Variants in HSF4 observed in about 807,000 individuals in gnomAD.
HSF4 encodes the protein heat shock transcription factor 4.
A neutral mutation model predicts 52.0 loss-of-function variants in HSF4; 41 were observed. The observed-to-expected ratio is 0.79, with a 90% CI of 0.61 to 1.02. HSF4 has a LOEUF of 1.02. Among genes scored for constraint, HSF4 ranks in the 50% least tolerant of loss-of-function variants. The probability of loss-of-function intolerance (pLI) is 0.00; values close to 1 mark genes in which losing one functional copy is unlikely to be tolerated. For missense variants in HSF4, 610 were observed against 651.1 expected, an observed-to-expected ratio of 0.94 and a Z score of 0.69; for synonymous variants, 285 against 273.0, an observed-to-expected ratio of 1.04 and a Z score of -0.43.
rs1279754219 is a variant in HSF4, at chr16:67,167,527, T to A, written c.782T>A (p.Ile261Asn). 2 of 1,613,784 alleles carry A rather than the reference T, an allele frequency of 1.2e-6. No homozygotes were observed. The highest frequency in any genetic ancestry group is 1.7e-6 in the Non-Finnish European group (2 of 1,180,010). ...AGCCCTCACAGGGCCAGGGGCCCCA[T>A]CATCTCTGACATCCCAGAAGACTCT... is the stretch of plus-strand genomic sequence containing the variant. The part of the protein sequence containing the change: ...GLSPHRARGP[I>N]ISDIPEDSPS... The change falls in exon 8 of 13, where the codon ATC becomes AAC. Residue 261 changes from isoleucine (I) to asparagine (N), a missense_variant. By Grantham distance (149) the Ile-to-Asn change is moderately radical. Coordinates refer to ENST00000521374, the MANE Select transcript of HSF4 (RefSeq NM_001374675.1).
intron 9 of HSF4, 90 bp downstream of exon 9, chr16:67,168,037 C>A: frequency 9.4e-7 from 1 of 1,059,798 alleles, no homozygotes; most frequent in Non-Finnish European, 1.4e-6. Flanking sequence ...CTCCATGATA[C>A]TCACCTGATT....
At chr16:67,167,055 G>A in intron 6 of HSF4, 65 bp from the exon 7 acceptor site, 3 of 1,611,128 alleles carry the variant, frequency 1.9e-6, no homozygotes, top group East Asian at 2.2e-5. Context: ...GGAGGGAAGT[G>A]CAGGCCGAGG....
upstream of HSF4, chr16:67,164,598 T>A: frequency 2.2e-5 from 5 of 226,088 alleles, no homozygotes; most frequent in Non-Finnish European, 2.7e-5. Context: ...TCCACTCCAC[T>A]CCACTCCACA....
chr16:67,167,479 TC>T lies in HSF4; in HGVS notation c.737del (p.Pro246GlnfsTer73). The T allele has an allele frequency of 6.2e-7, 1 of 1,613,818 alleles. No individual in the cohort carries two copies. The highest frequency in any genetic ancestry group is 1.1e-5 in the South Asian group (1 of 91,088). ...GGCCTAGCCTTCTACTTACAGCCTCTCCCAGAGACAAATTTGGGCCTTAGCC... is the reference window on the plus strand; with the variant it reads ...GGCCTAGCCTTCTACTTACAGCCTCTCCAGAGACAAATTTGGGCCTTAGCC... Reference protein sequence around the residue: ...LQDPYFIQSPLPETNLGLSPH... With the variant: ...LQDPYFIQSPXPETNLGLSPH... On this transcript the variant is annotated frameshift_variant, in exon 8 of 13. Transcript: ENST00000521374. LOFTEE classifies it high-confidence loss of function.
intron 4 of HSF4, 97 bp from the exon 5 acceptor site, chr16:67,166,223 C>G: frequency 2.2e-6 from 3 of 1,391,864 alleles, no homozygotes; most frequent in Non-Finnish European, 3.0e-6. Flanking sequence ...GGCCAGTCAG[C>G]GGGGTGGTCT....
chr16:67,166,135 C>G, intron 4 of HSF4, 65 bp downstream of exon 4: 2 of 1,485,744 alleles, frequency 1.3e-6, no homozygotes, highest in South Asian at 2.4e-5. Context: ...CATAACTGGC[C>G]GGCCAGCAGT....
Position 67,169,237 on chromosome 16 carries a change from G to A in HSF4, c.1255-42G>A. The A allele has an allele frequency of 1.2e-6, 2 of 1,611,746 alleles. No individual in the cohort carries two copies. Among genetic ancestry groups the A allele is most frequent in the Non-Finnish European group, 8.5e-7 (1 of 1,179,508 alleles). On this transcript the variant is annotated intron_variant, in intron 11 of 12. Coordinates refer to ENST00000521374, the MANE Select transcript of HSF4 (RefSeq NM_001374675.1). The surrounding 1 kb of genome is among the most constrained non-coding windows in gnomAD (Gnocchi z 4.3). ...GATTTCCCAGCTGTCCCCCTCAGCT[G>A]CTAGGTCCCCTCCCCAGCTGCTCCC...
In HSF4 at chr16:67,165,139, C is replaced by G. The variant is rs1019788516; in HGVS notation, c.123+205C>G. 1 of 626,358 alleles carries G rather than the reference C, an allele frequency of 1.6e-6. No individual in the cohort carries two copies. The highest frequency in any genetic ancestry group is 1.8e-5 in the African/African-American group (1 of 54,240). 38.8% of individuals were successfully genotyped at this position (626,358 alleles called of 1,614,324 possible). ...GGTTAGGAGCCTGCCTTCTGAAGAC[C>G]TAGAGTCCGAGGGACCTTCGAGGCC... is the stretch of plus-strand genomic sequence containing the variant. On this transcript the variant is annotated intron_variant, in intron 1 of 12. Coordinates refer to ENST00000521374, the MANE Select transcript of HSF4 (RefSeq NM_001374675.1). This position sits in a 1 kb window ranked among gnomAD's most constrained non-coding sequence, Gnocchi z 6.9.
chr16:67,167,695 T>G, intron 8 of HSF4, 25 bp from the exon 9 acceptor site: 1 of 1,611,968 alleles, frequency 6.2e-7, no homozygotes, highest in Non-Finnish European at 8.5e-7. Flanking sequence ...TGCCAGGGTC[T>G]GGTTGAAGCT....
chr16:67,165,465 G>C lies in HSF4; in HGVS notation c.124-57G>C, dbSNP rs1474367226. 6.8e-7 allele frequency: 1 copy of C among 1,480,630 alleles called. No homozygotes were observed. Among genetic ancestry groups the C allele is most frequent in the Non-Finnish European group, 9.4e-7 (1 of 1,060,784 alleles). 91.7% of individuals were successfully genotyped at this position (1,480,630 alleles called of 1,614,324 possible). A position where few individuals can be genotyped will look rare whatever the true frequency, so the allele number is the denominator to read the frequency against. On this transcript the variant is annotated intron_variant, in intron 1 of 12. Transcript: ENST00000521374. The surrounding 1 kb of genome is among the most constrained non-coding windows in gnomAD (Gnocchi z 6.9). The stretch of plus-strand genomic sequence containing the variant: ...GGAGCGCAGGACTGGCCGTGAGCGG[G>C]CACCGCTCACCCTCCTGGTCTCCGC...
At position 67,165,045 on chromosome 16, in the gene HSF4, T is replaced by C. The variant is rs1266165030; in HGVS notation, c.123+111T>C. The C allele has an allele frequency of 2.4e-6, 3 of 1,253,592 alleles. No homozygotes were observed. The African/African-American group carries it at 4.5e-5, about 19-fold the overall frequency. 77.7% of individuals were successfully genotyped at this position (1,253,592 alleles called of 1,614,324 possible). On this transcript the variant is annotated intron_variant, in intron 1 of 12. Transcript: ENST00000521374. This position sits in a 1 kb window ranked among gnomAD's most constrained non-coding sequence, Gnocchi z 6.9. ...GAGACTGGGCCGTGGATCCCCGGAT[T>C]TGGCCATTCAGAGAAGTTCACCTTG...
chr16:67,165,107 G>A lies in HSF4; in HGVS notation c.123+173G>A. The A allele has an allele frequency of 2.7e-6, 2 of 731,076 alleles. No homozygotes were observed. The highest frequency in any genetic ancestry group is 2.9e-5 in the Admixed American group (1 of 34,142). The allele number at this position is 731,076 out of a possible 1,614,324, so 45.3% of individuals were successfully genotyped here. On this transcript the variant is annotated intron_variant, in intron 1 of 12. Transcript: ENST00000521374. This position sits in a 1 kb window ranked among gnomAD's most constrained non-coding sequence, Gnocchi z 6.9. ...CGAGAGGGGGGTTTCCTCTGCGGCC[G>A]AAGAAGGGTTAGGAGCCTGCCTTCT... is the stretch of plus-strand genomic sequence containing the variant.
chr16:67,164,518 G>C (rs1007842260), upstream of HSF4: 1 of 630,130 alleles, frequency 1.6e-6, no homozygotes, highest in African/African-American at 1.8e-5. Flanking sequence ...GGACCGAGAG[G>C]GGTGGGACTC....
At position 67,165,757 on chromosome 16, in the gene HSF4, C is replaced by G. The variant is rs776946161; in HGVS notation, c.271C>G (p.Leu91Val). 4 of 1,611,318 alleles carry G rather than the reference C, an allele frequency of 2.5e-6. No homozygotes were observed. The Admixed American group carries it at 6.7e-5, about 27-fold the overall frequency. ...GGTGGTGAGCATCGAGCAGGGCGGC[C>G]TGCTTAGGCCGGAGCGCGACCACGT... Reference protein sequence around the residue: ...RKVVSIEQGGLLRPERDHVEF... With the variant: ...RKVVSIEQGGVLRPERDHVEF... Residue 91 changes from leucine to valine, a missense_variant, in exon 3 of 13, where the codon CTG becomes GTG. Leu to Val is a conservative substitution (Grantham distance 32). Coordinates refer to ENST00000521374, the MANE Select transcript of HSF4 (RefSeq NM_001374675.1). The surrounding 1 kb of genome is among the most constrained non-coding windows in gnomAD (Gnocchi z 6.9).
intron 9 of HSF4, 42 bp from the exon 10 acceptor site, chr16:67,168,789 C>T (rs367665548): frequency 9.9e-5 from 145 of 1,460,064 alleles, no homozygotes; most frequent in Non-Finnish European, 1.3e-4. Flanking sequence ...GAACTTAATG[C>T]GGGGTGGACA....
upstream of HSF4, chr16:67,163,766 T>C (rs751048283): frequency 6.3e-7 from 1 of 1,584,254 alleles, no homozygotes; most frequent in South Asian, 1.1e-5. Flanking sequence ...TGCGCACCTA[T>C]ACCCTCAAGC....
chr16:67,166,627 G>A lies in HSF4; in HGVS notation c.626+5G>A. ...TGCAGGAGGCAAGAGAAAGCTGTGAGTGAGAAAGCCAAGAAGGCCCACACC... is the reference window on the plus strand; with the variant it reads ...TGCAGGAGGCAAGAGAAAGCTGTGAATGAGAAAGCCAAGAAGGCCCACACC... On this transcript the variant is annotated splice_donor_5th_base_variant and intron_variant, in intron 6 of 12. Transcript: ENST00000521374. 1 of 1,613,648 alleles carries A rather than the reference G, an allele frequency of 6.2e-7. No homozygotes were observed. The highest frequency in any genetic ancestry group is 8.5e-7 in the Non-Finnish European group (1 of 1,179,884).
chr16:67,164,372 C>T, upstream of HSF4: 1 of 403,650 alleles, frequency 2.5e-6, no homozygotes, highest in Non-Finnish European at 5.0e-6. Context: ...GGGCGTGCTT[C>T]CCTGCCCCCC....
intron 9 of HSF4, among the ~76,000 whole-genome samples, chr16:67,168,470 C>CA (rs561541722): frequency 7.7e-6 from 1 of 130,484 alleles, no homozygotes; most frequent in Non-Finnish European, 1.6e-5. Flanking sequence ...AAACTGTCTC[C>CA]AAAAAAAAGA....
Sources: gnomAD v4.1 joint callset for allele counts (sites outside exome capture counted in the v4.1 genomes callset) on GRCh38, gnomAD v4.1.1 for gene constraint, Gnocchi (gnomAD v3.1) non-coding constraint, MANE v1.5 for transcripts, NCBI Gene and HGNC (gene_info 2026-07-23, HGNC 2026-07-21) for gene names.